The following LRP1B variants were observed in gnomAD, a reference collection of about 807,000 sequenced individuals.
The protein encoded by LRP1B is low-density lipoprotein receptor-related protein 1B.
Under a neutral mutation model 556.6 loss-of-function variants are expected in LRP1B, and 217 were observed. That is an observed-to-expected ratio of 0.39 (90% CI 0.35 to 0.44). The LOEUF is 0.44. Among genes scored for constraint, LRP1B ranks in the 20% least tolerant of loss-of-function variants. The pLI, the probability that LRP1B is intolerant of heterozygous loss-of-function variation, is 1.00. For missense variants in LRP1B, 5,053 were observed against 5,620.8 expected (o/e 0.90, Z 3.23); for synonymous variants, 2,047 against 1,865.8 (o/e 1.10, Z -2.50).
chr2:140,516,488 A>C (rs35448856), intron 50 of LRP1B, among the ~76,000 whole-genome samples: 28,096 of 151,942 alleles, frequency 0.18, 2,807 homozygotes, highest in Non-Finnish European at 0.22. Context: ...GTTAGACCCA[A>C]TCCCCCATGC....
intron 7 of LRP1B, among the ~76,000 whole-genome samples, chr2:141,170,114 T>A (rs890830854): frequency 2.0e-5 from 3 of 152,090 alleles, no homozygotes; most frequent in Non-Finnish European, 4.4e-5. Flanking sequence ...ATAGATATGA[T>A]AACAAACTCA....
At chr2:140,899,459 C>T (rs1195400523) in intron 23 of LRP1B, among the ~76,000 whole-genome samples, 2 of 152,152 alleles carry the variant, frequency 1.3e-5, no homozygotes, top group Non-Finnish European at 2.9e-5. Context: ...AGAATAACTC[C>T]ATACCACAGC....
At chr2:140,534,164 A>G (rs748358622) in intron 46 of LRP1B, 24 bp from the exon 47 acceptor site, 38 of 1,594,026 alleles carry the variant, frequency 2.4e-5, no homozygotes, top group Non-Finnish European at 3.1e-5. Context: ...GTAGAAACAC[A>G]CAACCAGAGA....
chr2:141,669,184 A>G (rs1690567833), intron 2 of LRP1B, among the ~76,000 whole-genome samples: 1 of 152,114 alleles, frequency 6.6e-6, no homozygotes, highest in Non-Finnish European at 1.5e-5. Context: ...TTAAAATTAA[A>G]TGGGGTCACT....
chr2:141,049,103 G>T lies in LRP1B; in HGVS notation c.1672C>A (p.Pro558Thr), dbSNP rs2105445879. 6.2e-7 allele frequency: 1 copy of T among 1,613,442 alleles called. No individual in the cohort carries two copies. The highest frequency in any genetic ancestry group is 8.5e-7 in the Non-Finnish European group (1 of 1,179,630). Reference sequence around the variant, plus strand: ...TCTGCGTGAAAGTCTAAAGCACGAGGGTTTACCAGATTTTCTATGGGGATC... The same window carrying T: ...TCTGCGTGAAAGTCTAAAGCACGAGTGTTTACCAGATTTTCTATGGGGATC... ...YMIPIENLVN[P>T]RALDFHAETN... Residue 558 changes from proline to threonine, a missense_variant, in exon 11 of 91, where the codon CCT (proline) becomes ACT (threonine). Transcript: ENST00000389484.
intron 7 of LRP1B, among the ~76,000 whole-genome samples, chr2:141,080,194 G>A (rs772819441): frequency 2.0e-5 from 3 of 152,150 alleles, no homozygotes; most frequent in Non-Finnish European, 2.9e-5. Flanking sequence ...ATGGCAAGCA[G>A]ACTTTTGGGG....
At chr2:140,279,322 G>GA (rs1260713640) in intron 84 of LRP1B, among the ~76,000 whole-genome samples, 1 of 152,072 alleles carries the variant, frequency 6.6e-6, no homozygotes, top group Admixed American at 6.6e-5. Context: ...GCAAGTCCAG[G>GA]AAAGAGTTTG....
At chr2:140,459,607 C>T (rs532595024) in intron 60 of LRP1B, among the ~76,000 whole-genome samples, 2 of 152,304 alleles carry the variant, frequency 1.3e-5, no homozygotes, top group South Asian at 4.1e-4. Flanking sequence ...TTATTAAGCA[C>T]TTGGGTGCAC....
intron 2 of LRP1B, among the ~76,000 whole-genome samples, chr2:141,543,265 T>C (rs72853556): frequency 2.0e-5 from 3 of 151,812 alleles, no homozygotes; most frequent in East Asian, 1.9e-4. Flanking sequence ...TCCCAGCACA[T>C]TGGGAGGCCA....
intron 3 of LRP1B, among the ~76,000 whole-genome samples, chr2:141,294,902 T>TA (rs756892704): frequency 2.0e-5 from 3 of 152,092 alleles, no homozygotes; most frequent in Non-Finnish European, 4.4e-5. Flanking sequence ...TTATATTTGT[T>TA]AAAAAATTGC....
rs538025371 is a variant in LRP1B, at chr2:141,468,034, A to G, written c.343+12362T>C. Among the ~76,000 whole-genome samples, 6 of 152,114 alleles carry G rather than the reference A, an allele frequency of 3.9e-5. No individual in the cohort carries two copies. In the South Asian group the frequency reaches 1.0e-3, roughly 26 times the overall value. ...AACTATGTTTCTTTAGATGTTTCCA[A>G]TCTAGTAGGGGTATGAAACTTATAC... On this transcript the variant is annotated intron_variant, in intron 3 of 90. Transcript: ENST00000389484.
At chr2:141,185,413 A>G (rs766548548) in intron 7 of LRP1B, among the ~76,000 whole-genome samples, 1 of 152,092 alleles carries the variant, frequency 6.6e-6, no homozygotes, top group Non-Finnish European at 1.5e-5. Flanking sequence ...ATGACTATAG[A>G]GAAATAATTT....
At chr2:140,950,481 CTGTTGT>C in intron 19 of LRP1B, 79 bp from the exon 20 acceptor site, 1 of 1,204,244 alleles carries the variant, frequency 8.3e-7, no homozygotes, top group Non-Finnish European at 1.2e-6. Flanking sequence ...TAACTGGTTT[CTGTTGT>C]TGTTGTTGTT....
At chr2:140,464,460 A>C (rs940442710) in intron 60 of LRP1B, among the ~76,000 whole-genome samples, 2 of 152,168 alleles carry the variant, frequency 1.3e-5, no homozygotes. Flanking sequence ...TAGCCATTTC[A>C]ATATTCACCA....
At chr2:141,980,306 C>A (rs1266219312) in intron 1 of LRP1B, among the ~76,000 whole-genome samples, 1 of 152,018 alleles carries the variant, frequency 6.6e-6, no homozygotes, top group East Asian at 1.9e-4. Flanking sequence ...GGGCCACCAA[C>A]CTTATGATGC....
At chr2:141,948,987 T>A (rs1701033119) in intron 1 of LRP1B, among the ~76,000 whole-genome samples, 1 of 152,096 alleles carries the variant, frequency 6.6e-6, no homozygotes, top group Admixed American at 6.6e-5. Flanking sequence ...TTTAATTATG[T>A]CAAAAGTAAT....
intron 86 of LRP1B, among the ~76,000 whole-genome samples, chr2:140,265,232 C>A (rs1682143850): frequency 6.6e-6 from 1 of 151,896 alleles, no homozygotes; most frequent in African/African-American, 2.4e-5. Context: ...CTATAGCTTA[C>A]AATAAAACGT....
chr2:141,591,486 A>C (rs1434290776), intron 2 of LRP1B, among the ~76,000 whole-genome samples: 1 of 151,860 alleles, frequency 6.6e-6, no homozygotes. Context: ...CAGGTGATAC[A>C]GTTGTGCTTA....
intron 63 of LRP1B, among the ~76,000 whole-genome samples, chr2:140,447,136 G>A (rs1686694511): frequency 6.6e-6 from 1 of 152,002 alleles, no homozygotes; most frequent in Non-Finnish European, 1.5e-5. Flanking sequence ...TGTTAAGTTA[G>A]GCATTGTAAA....
Sources: gnomAD v4.1 joint callset for allele counts (sites outside exome capture counted in the v4.1 genomes callset) on GRCh38, gnomAD v4.1.1 for gene constraint, MANE v1.5 for transcripts, NCBI Gene and HGNC (gene_info 2026-07-23, HGNC 2026-07-21) for gene names.